The following ANO9 variants were observed in gnomAD, a reference collection of about 807,000 sequenced individuals.
ANO9 encodes the protein anoctamin-9.
A neutral mutation model predicts 100.5 loss-of-function variants in ANO9; 80 were observed. That is an observed-to-expected ratio of 0.80 (90% confidence interval 0.66 to 0.96). The LOEUF (loss-of-function observed/expected upper bound fraction) is 0.96, where lower values mean the gene tolerates loss of function less well. Ranked by LOEUF, ANO9 falls within the 40% of genes least tolerant of loss-of-function variation. ANO9 has a pLI of 0.00. For missense variants in ANO9, 1,064 were observed against 1,072.7 expected (o/e 0.99, Z 0.11); for synonymous variants, 473 against 435.6 (o/e 1.09, Z -1.07).
At position 420,825 on chromosome 11, in the gene ANO9, G is replaced by A. The variant is rs1848132894; in HGVS notation, c.1526C>T (p.Ser509Phe). The stretch of plus-strand genomic sequence containing the variant: ...GTCCCGGGGCAGGTGCCCGGACTCG[G>A]AGGCCCGCAGAGAGCGGCACTTGTG... The part of the protein sequence containing the change: ...VTHKCRSLRA[S>F]ESGHLPRDPE... The change falls in exon 18 of 23, where the codon TCC becomes TTC. Residue 509 changes from serine (S) to phenylalanine (F), a missense_variant. Ser to Phe is a radical substitution (Grantham distance 155). Coordinates refer to ENST00000332826, the MANE Select transcript of ANO9 (RefSeq NM_001012302.3). 1.3e-6 allele frequency: 2 copies of A among 1,591,266 alleles called. No individual in the cohort carries two copies. The highest frequency in any genetic ancestry group is 1.7e-4 in the Middle Eastern group (1 of 6,038).
At position 432,072 on chromosome 11, in the gene ANO9, G is replaced by C. The variant is rs550495253; in HGVS notation, c.351-18C>G. 3 of 1,612,308 alleles carry C rather than the reference G, an allele frequency of 1.9e-6. No individual in the cohort carries two copies. The highest frequency in any genetic ancestry group is 3.3e-5 in the Admixed American group (2 of 59,960). ...TTCTGAGACTCAAGAGCCAGAGCAGGGTGGCCCCGTGTGACCACAGTGGAC... is the reference window on the plus strand; with the variant it reads ...TTCTGAGACTCAAGAGCCAGAGCAGCGTGGCCCCGTGTGACCACAGTGGAC... On this transcript the variant is annotated intron_variant, in intron 4 of 22. Coordinates refer to ENST00000332826, the MANE Select transcript of ANO9 (RefSeq NM_001012302.3). This position sits in a 1 kb window ranked among gnomAD's most constrained non-coding sequence, Gnocchi z 4.8.
At chr11:433,551 C>G (rs1313169947) in intron 3 of ANO9, 92 bp from the exon 4 acceptor site, 18 of 1,493,810 alleles carry the variant, frequency 1.2e-5, no homozygotes, top group Non-Finnish European at 1.5e-5. Context: ...ACCTCAGAAC[C>G]CTCCCCCCTC....
In ANO9 at chr11:434,008, GC is replaced by G. The variant is rs1382391218; in HGVS notation, c.81+15del. On this transcript the variant is annotated intron_variant, in intron 2 of 22. Coordinates refer to ENST00000332826, the MANE Select transcript of ANO9 (RefSeq NM_001012302.3). Reference sequence around the variant, plus strand: ...CAGGGCCAGGTGGGGCCCGGGAGGGGCCCCCGGACACCCACCTCACAGGTGC... The same window carrying G: ...CAGGGCCAGGTGGGGCCCGGGAGGGGCCCCGGACACCCACCTCACAGGTGC... The G allele has an allele frequency of 6.5e-7, 1 of 1,550,136 alleles. No individual in the cohort carries two copies. The highest frequency in any genetic ancestry group is 1.2e-5 in the South Asian group (1 of 84,056).
Position 419,569 on chromosome 11 carries a change from C to G in ANO9, c.1934+13G>C, listed in dbSNP as rs1257474922. ...GTTTCTCCCAGGGGTCTCCAGACACCCTGAGGCCTTACTCGACAGTAGAGT... is the reference window on the plus strand; with the variant it reads ...GTTTCTCCCAGGGGTCTCCAGACACGCTGAGGCCTTACTCGACAGTAGAGT... On this transcript the variant is annotated intron_variant, in intron 20 of 22. Transcript: ENST00000332826. 1.1e-5 allele frequency: 18 copies of G among 1,612,544 alleles called. No homozygotes were observed. The highest frequency in any genetic ancestry group is 1.5e-5 in the Non-Finnish European group (18 of 1,179,386).
At position 418,717 on chromosome 11, in the gene ANO9, C is replaced by G. The variant is rs763511337; in HGVS notation, c.2130+3G>C. 6.2e-7 allele frequency: 1 copy of G among 1,612,892 alleles called. No individual in the cohort carries two copies. Among genetic ancestry groups the G allele is most frequent in the Admixed American group, 1.7e-5 (1 of 60,014 alleles). Reference sequence around the variant, plus strand: ...TCCGAGGCCTCTCCCGGTTCTGGCTCACCTCAAAGAGGATGACGAAGGCCA... The same window carrying G: ...TCCGAGGCCTCTCCCGGTTCTGGCTGACCTCAAAGAGGATGACGAAGGCCA... On this transcript the variant is annotated splice_donor_region_variant and intron_variant, in intron 22 of 22. Transcript: ENST00000332826.
intron 1 of ANO9, 123 bp downstream of exon 1, chr11:441,798 G>T: frequency 7.1e-7 from 1 of 1,410,222 alleles, no homozygotes. Flanking sequence ...AGCCTGCAGG[G>T]ACCCCCCCCA....
At position 418,595 on chromosome 11, in the gene ANO9, G is replaced by A. The variant is rs768768830; in HGVS notation, c.2131-6C>T. ...TTGATGCACAAGGCCACGTGCTAGC[G>A]GCAGCACAGGAGAGGCCCAGCACGG... On this transcript the variant is annotated splice_polypyrimidine_tract_variant and splice_region_variant and intron_variant, in intron 22 of 22. Transcript: ENST00000332826. The A allele has an allele frequency of 3.1e-6, 5 of 1,612,686 alleles. No individual in the cohort carries two copies. The highest frequency in any genetic ancestry group is 3.3e-5 in the Admixed American group (2 of 60,010).
chr11:418,269 G>T lies in ANO9; in HGVS notation c.*102C>A. ...ATTCCTGCGGCCCCACATGGGCACA[G>T]CCTTCTCACAGCACCCCTCAACACG... On this transcript the variant is annotated 3_prime_UTR_variant, in exon 23 of 23. Transcript: ENST00000332826. The T allele has an allele frequency of 8.3e-7, 1 of 1,206,008 alleles. No individual in the cohort carries two copies. The highest frequency in any genetic ancestry group is 1.1e-6 in the Non-Finnish European group (1 of 880,460). 74.7% of individuals were successfully genotyped at this position (1,206,008 alleles called of 1,614,324 possible).
rs1237406168 is a variant in ANO9, at chr11:432,037, A to G, written c.368T>C (p.Val123Ala). The change falls in exon 5 of 23, where the codon GTG (valine) becomes GCG (alanine). Residue 123 changes from valine (V) to alanine (A), a missense_variant. Physicochemically the swap from Val to Ala is moderately conservative, Grantham distance 64 (BLOSUM62 0). Coordinates refer to ENST00000332826, the MANE Select transcript of ANO9 (RefSeq NM_001012302.3). The surrounding 1 kb of genome is among the most constrained non-coding windows in gnomAD (Gnocchi z 4.8). ...CTTGTTGTTCATGACAACGAAGTTC[A>G]CGATTCGGATTCTGAGACTCAAGAG... is the stretch of plus-strand genomic sequence containing the variant. The part of the protein sequence containing the change: ...PVTTSLRIRI[V>A]NFVVMNNKTS... 6.2e-7 allele frequency: 1 copy of G among 1,612,892 alleles called. No homozygotes were observed. Among genetic ancestry groups the G allele is most frequent in the Non-Finnish European group, 8.5e-7 (1 of 1,179,732 alleles).
At chr11:420,107 C>G in intron 19 of ANO9, 9 of 1,320,594 alleles carry the variant, frequency 6.8e-6, no homozygotes. Context: ...CGCCCCAGCT[C>G]CCGTCGCTCC....
intron 1 of ANO9, among the ~76,000 whole-genome samples, chr11:439,476 C>T (rs1016191938): frequency 2.1e-5 from 3 of 141,524 alleles, no homozygotes; most frequent in African/African-American, 5.4e-5. Context: ...GAGGCCTGGC[C>T]AGGGGGTCCC....
Position 419,608 on chromosome 11 carries a change from G to C in ANO9, c.1908C>G (p.Cys636Trp). 6.2e-7 allele frequency: 1 copy of C among 1,613,456 alleles called. No homozygotes were observed. The highest frequency in any genetic ancestry group is 8.5e-7 in the Non-Finnish European group (1 of 1,179,848). ...RVVYKYRYSP[C>W]LKEGNSTVDC... ...CGACAGTAGAGTTGCCTTCTTTCAGGCATGGGCTATAGCGGTACTTGTAGA... is the reference window on the plus strand; with the variant it reads ...CGACAGTAGAGTTGCCTTCTTTCAGCCATGGGCTATAGCGGTACTTGTAGA... Residue 636 changes from cysteine to tryptophan, a missense_variant, in exon 20 of 23, where the codon TGC becomes TGG. Cys to Trp is a radical substitution (Grantham distance 215, BLOSUM62 -2). Coordinates refer to ENST00000332826, the MANE Select transcript of ANO9 (RefSeq NM_001012302.3).
chr11:437,974 C>T (rs894336781), intron 1 of ANO9, among the ~76,000 whole-genome samples: 5 of 152,154 alleles, frequency 3.3e-5, no homozygotes, highest in Non-Finnish European at 7.4e-5. Context: ...GGCAGGGACC[C>T]CAGACCAGGC....
rs1849062097 is a variant in ANO9 at position 432,127 on chromosome 11, G to A, written c.351-73C>T. ...CCTCCAGGTCTCAACCTGCCCTCTG[G>A]TCTGGCCAGGCCCAGGCCCCTCCCT... On this transcript the variant is annotated intron_variant, in intron 4 of 22. Coordinates refer to ENST00000332826, the MANE Select transcript of ANO9 (RefSeq NM_001012302.3). This position sits in a 1 kb window ranked among gnomAD's most constrained non-coding sequence, Gnocchi z 4.8. 3 of 1,538,362 alleles carry A rather than the reference G, an allele frequency of 2.0e-6. No individual in the cohort carries two copies. In the Admixed American group the frequency reaches 5.2e-5, roughly 27 times the overall value.
intron 1 of ANO9, among the ~76,000 whole-genome samples, chr11:438,280 C>A (rs1845534465): frequency 1.3e-5 from 2 of 152,050 alleles, no homozygotes; most frequent in Admixed American, 1.3e-4. Flanking sequence ...CTTAGCTGCT[C>A]CCTCGGACAA....
Position 424,972 on chromosome 11 carries a change from C to T in ANO9, c.1334+3116G>A, listed in dbSNP as rs190818011. ...AGGAAAAGGCGGCGCGGAGACGGGA[C>T]GCGCGGGAGGAAAAGGCGGCGGGGA... On this transcript the variant is annotated intron_variant, in intron 15 of 22. Transcript: ENST00000332826. Among the ~76,000 whole-genome samples the T allele has an allele frequency of 7.6e-4, 114 of 149,134 alleles. 3 individuals are homozygous for T. In the East Asian group the frequency reaches 0.013, roughly 17 times the overall value.
chr11:427,229 G>C (rs1403257702), intron 15 of ANO9, among the ~76,000 whole-genome samples: 1 of 149,166 alleles, frequency 6.7e-6, no homozygotes, highest in African/African-American at 2.5e-5. Context: ...GCGCACCTGT[G>C]GTCCCAGCCA....
rs546395889 is a variant in ANO9 at position 418,301 on chromosome 11, G to C, written c.*70C>G. The C allele has an allele frequency of 3.8e-5, 53 of 1,412,944 alleles. No individual in the cohort carries two copies. In the African/African-American group the frequency reaches 6.5e-4, roughly 17 times the overall value. The allele number at this position is 1,412,944 out of a possible 1,614,324, so 87.5% of individuals were successfully genotyped here. A position where few individuals can be genotyped will look rare whatever the true frequency, so the allele number is the denominator to read the frequency against. On this transcript the variant is annotated 3_prime_UTR_variant, in exon 23 of 23. Transcript: ENST00000332826. Reference sequence around the variant, plus strand: ...CACAGCACCCCTCAACACGCACAGCGGTGGGCTTGTGGGAGGTGCTGGTGG... The same window carrying C: ...CACAGCACCCCTCAACACGCACAGCCGTGGGCTTGTGGGAGGTGCTGGTGG...
At chr11:433,254 G>C (rs1411575617) in intron 4 of ANO9, 60 bp downstream of exon 4, 2 of 1,584,552 alleles carry the variant, frequency 1.3e-6, no homozygotes, top group Non-Finnish European at 1.7e-6. Context: ...GCCCGGTCTG[G>C]ACCAATCACA....
Sources: allele counts gnomAD v4.1 joint callset (sites outside exome capture counted in the v4.1 genomes callset), GRCh38; gene constraint gnomAD v4.1.1; non-coding constraint Gnocchi (gnomAD v3.1); transcripts MANE v1.5; gene names NCBI Gene and HGNC (gene_info 2026-07-23, HGNC 2026-07-21).